Variants in PRMT7 observed in about 807,000 individuals in gnomAD.
PRMT7 encodes protein arginine methyltransferase 7.
A neutral mutation model predicts 85.4 loss-of-function variants in PRMT7; 75 were observed. The observed-to-expected ratio is 0.88, with a 90% CI of 0.73 to 1.06. The LOEUF is 1.06. PRMT7 is among the 50% of genes least tolerant of loss of function. PRMT7 has a pLI of 0.00. For synonymous variants in PRMT7, 397 were observed against 359.5 expected (o/e 1.10, Z -1.18); for missense variants, 868 against 915.2 (o/e 0.95, Z 0.67).
At chr16:68,348,291 A>G (rs780268105) in intron 13 of PRMT7, 51 bp from the exon 14 acceptor site, 1 of 1,419,808 alleles carries the variant, frequency 7.0e-7, no homozygotes, top group Non-Finnish European at 9.8e-7. Context: ...TTTTCCTGAC[A>G]AACACAATAC....
At chr16:68,334,214 G>A (rs532276516) in intron 6 of PRMT7, among the ~76,000 whole-genome samples, 1 of 152,152 alleles carries the variant, frequency 6.6e-6, no homozygotes, top group African/African-American at 2.4e-5. Context: ...ATTCCATTCC[G>A]TTATTTGCTC....
At chr16:68,358,832 C>T (rs2089020027), downstream of PRMT7, 1 of 152,460 alleles carries the variant, frequency 6.6e-6, no homozygotes, top group Non-Finnish European at 1.5e-5. Flanking sequence ...CAATGGTTCA[C>T]TTTAAAAAAT....
chr16:68,346,336 C>T, intron 11 of PRMT7, 56 bp downstream of exon 11: 1 of 1,605,962 alleles, frequency 6.2e-7, no homozygotes, highest in Non-Finnish European at 8.5e-7. Flanking sequence ...AAGTTTGTCC[C>T]ATGAACCCCA....
At chr16:68,322,283 T>G (rs954789143) in intron 4 of PRMT7, 2 of 332,044 alleles carry the variant, frequency 6.0e-6, no homozygotes, top group Admixed American at 3.4e-5. Flanking sequence ...CACTGCAGCC[T>G]AGACTTCTTG....
chr16:68,352,089 G>T, intron 14 of PRMT7, 159 bp from the exon 15 acceptor site: 1 of 694,966 alleles, frequency 1.4e-6, no homozygotes. Flanking sequence ...GACTGATGAG[G>T]GAGGGAGGGA....
At chr16:68,326,443 G>A (rs1331163093) in intron 5 of PRMT7, among the ~76,000 whole-genome samples, 2 of 152,036 alleles carry the variant, frequency 1.3e-5, no homozygotes, top group Non-Finnish European at 1.5e-5. Context: ...ATAGGGTTTC[G>A]CCATGTTGGC....
intron 4 of PRMT7, 132 bp from the exon 5 acceptor site, chr16:68,324,551 C>T: frequency 9.0e-7 from 1 of 1,108,112 alleles, no homozygotes; most frequent in Non-Finnish European, 1.3e-6. Flanking sequence ...CAGAGCTGTT[C>T]TGCCAGGGGC....
At chr16:68,319,709 A>AGT (rs750593103) in intron 3 of PRMT7, among the ~76,000 whole-genome samples, 5 of 41,904 alleles carry the variant, frequency 1.2e-4, no homozygotes, top group Non-Finnish European at 1.9e-4. Flanking sequence ...AATAAGAGTG[A>AGT]GAGTGTGTGT....
At chr16:68,346,018 A>T in intron 10 of PRMT7, 127 bp from the exon 11 acceptor site, 1 of 1,447,258 alleles carries the variant, frequency 6.9e-7, no homozygotes, top group South Asian at 1.3e-5. Flanking sequence ...GATGCGTAGG[A>T]AAAGTCTGGA....
At chr16:68,354,039 C>T (rs1339687907) in intron 16 of PRMT7, among the ~76,000 whole-genome samples, 5 of 152,182 alleles carry the variant, frequency 3.3e-5, no homozygotes, top group East Asian at 1.9e-4. Context: ...AGCTGAGAGT[C>T]GTGTTCCATC....
chr16:68,345,762 C>A lies in PRMT7; in HGVS notation c.1015C>A (p.His339Asn). Residue 339 changes from histidine to asparagine, a missense_variant, in exon 10 of 19, where the codon CAC becomes AAC. Transcript: ENST00000441236. ...QGSALYLVAH[H>N]DDYCVWYSLQ... Reference sequence around the variant, plus strand: ...CTCAGCGCTCTATCTGGTAGCCCACCACGATGACTACTGCGTATGGTACAG... The same window carrying A: ...CTCAGCGCTCTATCTGGTAGCCCACAACGATGACTACTGCGTATGGTACAG... 6.2e-7 allele frequency: 1 copy of A among 1,614,160 alleles called. No individual in the cohort carries two copies. The highest frequency in any genetic ancestry group is 8.5e-7 in the Non-Finnish European group (1 of 1,180,040).
Position 68,357,356 on chromosome 16 carries a change from G to T in PRMT7, c.*132G>T, listed in dbSNP as rs1486074239. 8 of 987,962 alleles carry T rather than the reference G, an allele frequency of 8.1e-6. No individual in the cohort carries two copies. Among genetic ancestry groups the T allele is most frequent in the Non-Finnish European group, 1.2e-5 (8 of 679,682 alleles). 61.2% of individuals were successfully genotyped at this position (987,962 alleles called of 1,614,324 possible). A position where few individuals can be genotyped will look rare whatever the true frequency, so the allele number is the denominator to read the frequency against. ...CCTCAGGGATGGGAAAGACTGCGCC[G>T]TGTTGCATCTTGTTGCATCTTTGCA... On this transcript the variant is annotated 3_prime_UTR_variant, in exon 19 of 19. Coordinates refer to ENST00000441236, the MANE Select transcript of PRMT7 (RefSeq NM_019023.5).
chr16:68,333,732 A>G (rs913841297), intron 6 of PRMT7, among the ~76,000 whole-genome samples: 2 of 152,074 alleles, frequency 1.3e-5, no homozygotes, highest in African/African-American at 2.4e-5. Context: ...CATTGTTCAC[A>G]CACACCTCAG....
At chr16:68,326,316 A>G (rs1363644475) in intron 5 of PRMT7, among the ~76,000 whole-genome samples, 4 of 152,102 alleles carry the variant, frequency 2.6e-5, no homozygotes, top group East Asian at 3.9e-4. Context: ...CGTGATCTCT[A>G]TTCACCGCAA....
intron 17 of PRMT7, among the ~76,000 whole-genome samples, 189 bp downstream of exon 17, chr16:68,356,072 C>T (rs1437712171): frequency 1.3e-5 from 2 of 152,214 alleles, no homozygotes; most frequent in Non-Finnish European, 2.9e-5. Context: ...CCTGTGTGTG[C>T]CACTGGTGGA....
Position 68,357,163 on chromosome 16 carries a change from A to G in PRMT7, c.2018A>G (p.Glu673Gly), listed in dbSNP as rs2088725450. ...CCACGGACTGTCAGCTATGCAGTGG[A>G]GTTTCACCCCGACACAGGCGACATC... ...GGPRTVSYAVEFHPDTGDIIM... is the reference protein window; with the variant it reads ...GGPRTVSYAVGFHPDTGDIIM... The change falls in exon 19 of 19, where the codon GAG (glutamate) becomes GGG (glycine). Residue 673 changes from glutamate (E) to glycine (G), a missense_variant. Coordinates refer to ENST00000441236, the MANE Select transcript of PRMT7 (RefSeq NM_019023.5). 6.2e-7 allele frequency: 1 copy of G among 1,614,006 alleles called. No homozygotes were observed. The highest frequency in any genetic ancestry group is 1.3e-5 in the African/African-American group (1 of 75,058).
intron 15 of PRMT7, chr16:68,353,248 T>A: frequency 1.4e-6 from 1 of 692,440 alleles, no homozygotes; most frequent in Admixed American, 4.1e-5. Flanking sequence ...GCCCCCAGCC[T>A]AGGAGCTCTG....
chr16:68,352,677 G>A, intron 15 of PRMT7: 1 of 344,852 alleles, frequency 2.9e-6, no homozygotes, highest in Non-Finnish European at 5.3e-6. Context: ...TATAAATTAA[G>A]CGTTTCAGAA....
intron 4 of PRMT7, among the ~76,000 whole-genome samples, chr16:68,322,760 C>T (rs1567647899): frequency 6.6e-6 from 1 of 151,910 alleles, no homozygotes; most frequent in South Asian, 2.1e-4. Flanking sequence ...AGGCCAGGCA[C>T]GGTGGCTCAT....
Sources: gnomAD v4.1 joint callset for allele counts (sites outside exome capture counted in the v4.1 genomes callset) on GRCh38, gnomAD v4.1.1 for gene constraint, MANE v1.5 for transcripts, NCBI Gene and HGNC (gene_info 2026-07-23, HGNC 2026-07-21) for gene names.